Variants in PSD4 observed in about 807,000 individuals in gnomAD.
PSD4 encodes the protein pleckstrin and Sec7 domain containing 4, also known as PH and SEC7 domain-containing protein 4.
In PSD4, 59 loss-of-function variants were observed where a neutral mutation model predicts 112.5. The observed-to-expected ratio is 0.52, with a 90% CI of 0.43 to 0.65. PSD4 has a LOEUF of 0.65. Among genes scored for constraint, PSD4 ranks in the 30% least tolerant of loss-of-function variants. The pLI is 0.00. For synonymous variants in PSD4, 533 were observed against 540.0 expected (o/e 0.99, Z 0.18); for missense variants, 1,267 against 1,352.6 (o/e 0.94, Z 0.99).
intron 5 of PSD4, 97 bp from the exon 6 acceptor site, chr2:113,192,283 C>T (rs986006918): frequency 2.2e-5 from 27 of 1,217,676 alleles, no homozygotes; most frequent in Admixed American, 1.9e-4. Context: ...TCCAGCTCCT[C>T]CGGGCCCCAC....
At chr2:113,174,774 T>C (rs984654043) in intron 1 of PSD4, among the ~76,000 whole-genome samples, 1 of 152,122 alleles carries the variant, frequency 6.6e-6, no homozygotes, top group African/African-American at 2.4e-5. Flanking sequence ...ACTGTAGTCA[T>C]TATTGTTATA....
Position 113,183,145 on chromosome 2 carries a change from C to T in PSD4, c.689C>T (p.Thr230Ile). The stretch of plus-strand genomic sequence containing the variant: ...GGCCAGGCATGGCTGAGAGAGGGAA[C>T]CCCAGACTCTTCCCCACAGTGGGGA... Reference protein sequence around the residue: ...GEGQAWLREGTPDSSPQWGAE... With the variant: ...GEGQAWLREGIPDSSPQWGAE... The change falls in exon 2 of 17, where the codon ACC (threonine) becomes ATC (isoleucine). Residue 230 changes from threonine (T) to isoleucine (I), a missense_variant. Physicochemically the swap from Thr to Ile is moderately conservative, Grantham distance 89 (BLOSUM62 -1). Around this residue, in one of 2 missense-constraint regions of PSD4, gnomAD observed 723 missense variants for 704.0 expected, o/e 1.03. Transcript: ENST00000245796. 1 of 1,614,132 alleles carries T rather than the reference C, an allele frequency of 6.2e-7. No individual in the cohort carries two copies.
In PSD4 at chr2:113,182,962, A is replaced by C. The variant is rs1192899242; in HGVS notation, c.506A>C (p.Asp169Ala). ...GILQAQMCVL[D>A]LEEELEKTEG... ...CTGCAGGCCCAGATGTGTGTCCTAG[A>C]CCTGGAGGAGGAGCTGGAGAAGACG... The change falls in exon 2 of 17, where the codon GAC (aspartate) becomes GCC (alanine). Residue 169 changes from aspartate (D) to alanine (A), a missense_variant. By Grantham distance (126) the Asp-to-Ala change is moderately radical. Around this residue, in one of 2 missense-constraint regions of PSD4, gnomAD observed 723 missense variants for 704.0 expected, o/e 1.03. Transcript: ENST00000245796. 1 of 1,614,166 alleles carries C rather than the reference A, an allele frequency of 6.2e-7. No individual in the cohort carries two copies. The highest frequency in any genetic ancestry group is 1.1e-5 in the South Asian group (1 of 91,086).
chr2:113,175,717 T>C (rs1200683641), intron 1 of PSD4, among the ~76,000 whole-genome samples: 1 of 152,134 alleles, frequency 6.6e-6, no homozygotes, highest in Admixed American at 6.5e-5. Flanking sequence ...ACAGGCACCC[T>C]CCGGATGAAG....
chr2:113,191,231 G>A (rs543736124), intron 5 of PSD4, among the ~76,000 whole-genome samples: 7 of 152,306 alleles, frequency 4.6e-5, no homozygotes, highest in African/African-American at 1.7e-4. Context: ...GATAGTGAGG[G>A]TGTTTAAGTG....
chr2:113,195,406 C>T (rs1688577846), intron 10 of PSD4, among the ~76,000 whole-genome samples: 1 of 152,160 alleles, frequency 6.6e-6, no homozygotes, highest in Non-Finnish European at 1.5e-5. Flanking sequence ...AAGTGATCCA[C>T]CCGCCTCGGC....
chr2:113,196,782 A>G (rs1340259787), intron 12 of PSD4, among the ~76,000 whole-genome samples: 1 of 152,224 alleles, frequency 6.6e-6, no homozygotes, highest in Non-Finnish European at 1.5e-5. Flanking sequence ...CATCCCCCAC[A>G]GAGAAAACAG....
intron 16 of PSD4, among the ~76,000 whole-genome samples, chr2:113,200,917 G>T (rs1688758757): frequency 2.0e-5 from 3 of 152,144 alleles, no homozygotes; most frequent in African/African-American, 7.2e-5. Flanking sequence ...GCACTCCAAG[G>T]GGTTGGTTAT....
Position 113,182,254 on chromosome 2 carries a change from G to A in PSD4, c.-111-92G>A. ...CTAAGGAGCAGCAGGCATAGATGGG[G>A]AAGACACTCCAAACACATCTAACAC... On this transcript the variant is annotated intron_variant, in intron 1 of 16. Coordinates refer to ENST00000245796, the MANE Select transcript of PSD4 (RefSeq NM_012455.3). 4 of 561,588 alleles carry A rather than the reference G, an allele frequency of 7.1e-6. No individual in the cohort carries two copies. In the East Asian group the frequency reaches 1.2e-4, roughly 16 times the overall value. 34.8% of individuals were successfully genotyped at this position (561,588 alleles called of 1,614,324 possible).
intron 5 of PSD4, among the ~76,000 whole-genome samples, chr2:113,187,044 G>T (rs1021096428): frequency 1.5e-4 from 23 of 152,222 alleles, no homozygotes; most frequent in Admixed American, 7.9e-4. Context: ...CGAGCTCAGC[G>T]CCTTGAATGG....
At chr2:113,179,765 A>G (rs1688079068) in intron 1 of PSD4, among the ~76,000 whole-genome samples, 1 of 152,198 alleles carries the variant, frequency 6.6e-6, no homozygotes, top group South Asian at 2.1e-4. Context: ...TCAGAGCATC[A>G]AGTACAAGAT....
chr2:113,182,844 G>A lies in PSD4; in HGVS notation c.388G>A (p.Ala130Thr), dbSNP rs1027904591. The change falls in exon 2 of 17, where the codon GCA becomes ACA. Residue 130 changes from alanine (A) to threonine (T), a missense_variant. By Grantham distance (58) the Ala-to-Thr change is moderately conservative. Around this residue, in one of 2 missense-constraint regions of PSD4, gnomAD observed 723 missense variants for 704.0 expected, o/e 1.03. Transcript: ENST00000245796. ...SAQREHRQNT[A>T]SPGSPVNSHL... ...CCAGAGGGAGCACAGGCAGAACACAGCATCACCAGGGTCACCAGTGAACAG... is the reference window on the plus strand; with the variant it reads ...CCAGAGGGAGCACAGGCAGAACACAACATCACCAGGGTCACCAGTGAACAG... The A allele has an allele frequency of 8.7e-6, 14 of 1,613,738 alleles. No individual in the cohort carries two copies. Among genetic ancestry groups the A allele is most frequent in the East Asian group, 2.2e-5 (1 of 44,890 alleles).
chr2:113,177,111 C>A (rs1274895216), intron 1 of PSD4, among the ~76,000 whole-genome samples: 1 of 152,228 alleles, frequency 6.6e-6, no homozygotes, highest in African/African-American at 2.4e-5. Context: ...AGCCAAGACC[C>A]ACAGGGACAT....
At chr2:113,194,113 C>G (rs560561189) in intron 10 of PSD4, among the ~76,000 whole-genome samples, 165 bp downstream of exon 10, 1 of 152,330 alleles carries the variant, frequency 6.6e-6, no homozygotes, top group East Asian at 1.9e-4. Flanking sequence ...TGGCGGGCAG[C>G]ATCAGAAGCA....
chr2:113,174,979 G>A (rs1309756595), intron 1 of PSD4, among the ~76,000 whole-genome samples: 1 of 152,166 alleles, frequency 6.6e-6, no homozygotes, highest in Non-Finnish European at 1.5e-5. Context: ...AAGCAGGCCT[G>A]TCTCCCAGCT....
chr2:113,185,983 G>A lies in PSD4; in HGVS notation c.1356G>A (p.Glu452=), dbSNP rs1290015874. 7 of 1,614,026 alleles carry A rather than the reference G, an allele frequency of 4.3e-6. No individual in the cohort carries two copies. Among genetic ancestry groups the A allele is most frequent in the Middle Eastern group, 1.6e-4 (1 of 6,084 alleles). Residue 452 remains glutamate (E), a synonymous_variant, in exon 5 of 17, where the codon GAG becomes GAA. Coordinates refer to ENST00000245796, the MANE Select transcript of PSD4 (RefSeq NM_012455.3). The part of the protein sequence containing the change: ...SSPEPSSPES[E]SRGPGPRPSP... The stretch of plus-strand genomic sequence containing the variant: ...CAGAGCCTAGCAGCCCAGAATCTGA[G>A]AGCAGAGGCCCTGGTCCCAGGCCCA...
At chr2:113,192,917 G>A in intron 6 of PSD4, 131 bp from the exon 7 acceptor site, 1 of 869,154 alleles carries the variant, frequency 1.2e-6, no homozygotes, top group African/African-American at 1.7e-5. Flanking sequence ...AGGACCCAAG[G>A]CCCAGCGTGC....
At position 113,197,927 on chromosome 2, in the gene PSD4, G is replaced by T; in HGVS notation, c.2624+14G>T. On this transcript the variant is annotated intron_variant, in intron 14 of 16. Transcript: ENST00000245796. ...CTTCCAGGCACCGTAAGTCCCTGGG[G>T]TGGGAGACTGTGGCAAGGCCTTGCC... 1 of 1,550,440 alleles carries T rather than the reference G, an allele frequency of 6.4e-7. No individual in the cohort carries two copies.
chr2:113,195,814 C>T (rs756029768), intron 11 of PSD4, 44 bp downstream of exon 11: 3 of 1,612,470 alleles, frequency 1.9e-6, no homozygotes, highest in Non-Finnish European at 1.7e-6. Context: ...CCCCTCTCCC[C>T]TGTCTTTGGA....
Sources: allele counts gnomAD v4.1 joint callset (sites outside exome capture counted in the v4.1 genomes callset), GRCh38; gene constraint gnomAD v4.1.1; regional missense constraint gnomAD v4.1.1; transcripts MANE v1.5; gene names NCBI Gene and HGNC (gene_info 2026-07-23, HGNC 2026-07-21).